Variants in TNIP3 observed in about 807,000 individuals in gnomAD.
TNIP3 encodes the protein TNFAIP3-interacting protein 3.
A neutral mutation model predicts 54.1 loss-of-function variants in TNIP3; 34 were observed. That is an observed-to-expected ratio of 0.63 (90% CI 0.48 to 0.84). The LOEUF (loss-of-function observed/expected upper bound fraction) is 0.84, where lower values mean the gene tolerates loss of function less well. Ranked by LOEUF, TNIP3 falls within the 40% of genes least tolerant of loss-of-function variation. The pLI is 0.00. For missense variants in TNIP3, 366 were observed against 387.6 expected, an observed-to-expected ratio of 0.94 and a Z score of 0.47; for synonymous variants, 134 against 136.8, an observed-to-expected ratio of 0.98 and a Z score of 0.14.
intron 2 of TNIP3, among the ~76,000 whole-genome samples, chr4:121,189,602 T>C (rs1005194433): frequency 3.9e-5 from 6 of 152,198 alleles, no homozygotes; most frequent in Non-Finnish European, 7.4e-5. Flanking sequence ...ACTTGAGTAA[T>C]TGGAAATATT....
intron 3 of TNIP3, among the ~76,000 whole-genome samples, chr4:121,181,541 A>G (rs1239610601): frequency 1.3e-5 from 2 of 152,198 alleles, no homozygotes; most frequent in Non-Finnish European, 2.9e-5. Context: ...GAAAGCACAC[A>G]ACACTGTTCA....
At chr4:121,216,193 T>C (rs1726781763) in intron 2 of TNIP3, among the ~76,000 whole-genome samples, 2 of 152,208 alleles carry the variant, frequency 1.3e-5, no homozygotes, top group Admixed American at 1.3e-4. Flanking sequence ...ATTATCTTCA[T>C]AACCTACCAT....
At chr4:121,182,605 C>T in intron 3 of TNIP3, 1 of 1,506,126 alleles carries the variant, frequency 6.6e-7, no homozygotes, top group South Asian at 1.2e-5. Context: ...GGACTGTCTC[C>T]ACAAATTCTT....
In TNIP3 at chr4:121,222,352, A is replaced by C. The variant is rs538144525; in HGVS notation, c.3+5033T>G. On this transcript the variant is annotated intron_variant, in intron 1 of 12. Coordinates refer to the TNIP3 transcript ENST00000509841. The stretch of plus-strand genomic sequence containing the variant: ...TTTCATCAAAGCACCCCAAATTACA[A>C]ATTCGCTTTTTCAAACGTGTATTGG... 2.0e-5 allele frequency among the ~76,000 whole-genome samples: 3 copies of C among 152,236 alleles called. No individual in the cohort carries two copies. The South Asian group carries it at 6.2e-4, about 32-fold the overall frequency.
chr4:121,224,183 C>G (rs959162044), intron 1 of TNIP3, among the ~76,000 whole-genome samples: 1 of 151,904 alleles, frequency 6.6e-6, no homozygotes, highest in Non-Finnish European at 1.5e-5. Context: ...GCCAATGTGG[C>G]GAAACCCCAT....
chr4:121,132,387 T>A lies in TNIP3; in HGVS notation c.*244A>T, dbSNP rs1425435749. 5 of 460,132 alleles carry A rather than the reference T, an allele frequency of 1.1e-5. No individual in the cohort carries two copies. The highest frequency in any genetic ancestry group is 1.9e-5 in the Non-Finnish European group (5 of 259,006). 28.5% of individuals were successfully genotyped at this position (460,132 alleles called of 1,614,324 possible). A position where few individuals can be genotyped will look rare whatever the true frequency, so the allele number is the denominator to read the frequency against. On this transcript the variant is annotated 3_prime_UTR_variant, in exon 11 of 11. Transcript: ENST00000057513. ...AGTCGTGCATCATCCATCTGCCAAGTCTCATTTCAAGGAAACTGGAAGTTG... is the reference window on the plus strand; with the variant it reads ...AGTCGTGCATCATCCATCTGCCAAGACTCATTTCAAGGAAACTGGAAGTTG...
At chr4:121,210,249 T>C (rs1726408240) in intron 2 of TNIP3, among the ~76,000 whole-genome samples, 1 of 152,122 alleles carries the variant, frequency 6.6e-6, no homozygotes, top group Admixed American at 6.6e-5. Flanking sequence ...AAAGGAAAAA[T>C]TACTATTACA....
chr4:121,201,141 G>C (rs1394151411), intron 2 of TNIP3, among the ~76,000 whole-genome samples: 1 of 152,076 alleles, frequency 6.6e-6, no homozygotes, highest in East Asian at 1.9e-4. Context: ...GATGAGTAGG[G>C]GGCAGGAAAG....
chr4:121,222,658 T>C (rs1727076250), intron 1 of TNIP3, among the ~76,000 whole-genome samples: 7 of 152,190 alleles, frequency 4.6e-5, no homozygotes, highest in Admixed American at 4.6e-4. Context: ...ATTTAAATTT[T>C]GTTTAATCTT....
chr4:121,205,105 T>C (rs1347390953), intron 2 of TNIP3, among the ~76,000 whole-genome samples: 5 of 152,128 alleles, frequency 3.3e-5, no homozygotes, highest in African/African-American at 1.2e-4. Context: ...ATAGAAGAAA[T>C]ATAGAGCAAT....
intron 3 of TNIP3, among the ~76,000 whole-genome samples, chr4:121,175,919 T>C (rs1054716676): frequency 3.3e-5 from 5 of 152,234 alleles, no homozygotes; most frequent in Admixed American, 6.5e-5. Flanking sequence ...TGTACTTTAT[T>C]AGAAAATAGA....
chr4:121,148,426 C>T (rs190171801), intron 6 of TNIP3, among the ~76,000 whole-genome samples: 17 of 152,318 alleles, frequency 1.1e-4, no homozygotes, highest in African/African-American at 4.1e-4. Flanking sequence ...TTATTATAAA[C>T]TTTATGTGTA....
chr4:121,155,650 A>T (rs1730039481), intron 4 of TNIP3, among the ~76,000 whole-genome samples: 1 of 152,218 alleles, frequency 6.6e-6, no homozygotes, highest in African/African-American at 2.4e-5. Context: ...GGATTCAGAC[A>T]ATATCTCCTA....
intron 1 of TNIP3, 32 bp from the exon 2 acceptor site, chr4:121,161,248 C>T: frequency 2.0e-6 from 3 of 1,522,728 alleles, no homozygotes; most frequent in African/African-American, 1.4e-5. Context: ...AAGATTGAAA[C>T]AAAGCTGTTT....
chr4:121,138,562 T>TC (rs1247871635), intron 10 of TNIP3, 62 bp downstream of exon 10: 1 of 1,472,926 alleles, frequency 6.8e-7, no homozygotes, highest in East Asian at 2.3e-5. Flanking sequence ...TGAGTAAACA[T>TC]CCCCAAAAGA....
In TNIP3 at chr4:121,131,476, T is replaced by C. The variant is rs1486280030; in HGVS notation, c.*1155A>G. The C allele has an allele frequency of 3.3e-5, 5 of 151,852 alleles. No homozygotes were observed. Among genetic ancestry groups the C allele is most frequent in the Admixed American group, 2.0e-4 (3 of 15,234 alleles). The allele number at this position is 151,852 out of a possible 1,614,324, so 9.4% of individuals were successfully genotyped here. On this transcript the variant is annotated 3_prime_UTR_variant, in exon 11 of 11. Transcript: ENST00000057513. Reference sequence around the variant, plus strand: ...GAATTAAGTTTTTCATTAAAATTAATCAAATCCAAGGGAAGGAAAAACACA... The same window carrying C: ...GAATTAAGTTTTTCATTAAAATTAACCAAATCCAAGGGAAGGAAAAACACA...
chr4:121,146,838 T>TCTTGGGCAATTC (rs1233729671), intron 7 of TNIP3, among the ~76,000 whole-genome samples: 1 of 152,200 alleles, frequency 6.6e-6, no homozygotes, highest in Non-Finnish European at 1.5e-5. Flanking sequence ...GAATGCAATT[T>TCTTGGGCAATTC]CTTGGGCAAT....
At chr4:121,210,588 C>T (rs1175857577) in intron 2 of TNIP3, among the ~76,000 whole-genome samples, 2 of 152,146 alleles carry the variant, frequency 1.3e-5, no homozygotes, top group Non-Finnish European at 2.9e-5. Context: ...GTATTTATTT[C>T]TCACAGTTCT....
chr4:121,221,887 T>A (rs1429277541), intron 1 of TNIP3, among the ~76,000 whole-genome samples: 1 of 152,150 alleles, frequency 6.6e-6, no homozygotes, highest in African/African-American at 2.4e-5. Flanking sequence ...TCTCTACAGC[T>A]CAATCACATC....
Sources: allele counts gnomAD v4.1 joint callset (sites outside exome capture counted in the v4.1 genomes callset), GRCh38; gene constraint gnomAD v4.1.1; transcripts MANE v1.5; gene names NCBI Gene and HGNC (gene_info 2026-07-23, HGNC 2026-07-21).